SIX4: variants seen among roughly 807,000 people sequenced by gnomAD.
The protein encoded by SIX4 is SIX homeobox 4, also known as homeobox protein SIX4.
In SIX4, 23 loss-of-function variants were observed where a neutral mutation model predicts 51.5. That is an observed-to-expected ratio of 0.45 (90% CI 0.32 to 0.63). The LOEUF (loss-of-function observed/expected upper bound fraction) is 0.63. Among genes scored for constraint, SIX4 ranks in the 30% least tolerant of loss-of-function variants. SIX4 has a pLI of 0.04. For synonymous variants in SIX4, 413 were observed against 417.3 expected (o/e 0.99, Z 0.13); for missense variants, 867 against 984.0 (o/e 0.88, Z 1.59).
At chr14:60,716,326 C>T (rs1264787561) in intron 2 of SIX4, among the ~76,000 whole-genome samples, 2 of 151,906 alleles carry the variant, frequency 1.3e-5, no homozygotes, top group African/African-American at 4.8e-5. Context: ...AATCTTGGCT[C>T]ACTGCAAACT....
At chr14:60,723,167 G>A (rs750420596) in intron 1 of SIX4, 45 bp downstream of exon 1, 3 of 1,532,420 alleles carry the variant, frequency 2.0e-6, no homozygotes, top group South Asian at 1.3e-5. Flanking sequence ...GCCGGGAAGG[G>A]GGTGGGGGAG....
Position 60,720,029 on chromosome 14 carries a change from G to C in SIX4, c.1280C>G (p.Ser427Cys). ...GGACGTGGTGGTTGCTGAGTTAGCA[G>C]AACTCTGGAGGACTTTGAATTCCTT... ...DVKEFKVLQSSANSATTTSYS... is the reference protein window; with the variant it reads ...DVKEFKVLQSCANSATTTSYS... The change falls in exon 2 of 3, where the codon TCT becomes TGT. Residue 427 changes from serine to cysteine, a missense_variant. By Grantham distance (112) the Ser-to-Cys change is moderately radical. Coordinates refer to ENST00000216513, the MANE Select transcript of SIX4 (RefSeq NM_017420.5). This position sits in a 1 kb window ranked among gnomAD's most constrained non-coding sequence, Gnocchi z 5.5. 6.2e-7 allele frequency: 1 copy of C among 1,614,208 alleles called. No homozygotes were observed. Among genetic ancestry groups the C allele is most frequent in the Non-Finnish European group, 8.5e-7 (1 of 1,180,040 alleles).
intron 2 of SIX4, among the ~76,000 whole-genome samples, chr14:60,715,135 GA>G (rs758765269): frequency 0.031 from 4,479 of 145,074 alleles, 174 homozygotes; most frequent in African/African-American, 0.097. Flanking sequence ...AGCCAAGTGT[GA>G]AAAAAAAAAA....
chr14:60,723,065 G>GT, intron 1 of SIX4, 147 bp downstream of exon 1: 1 of 1,412,732 alleles, frequency 7.1e-7, no homozygotes. Flanking sequence ...GCCGGCCGGG[G>GT]AGCGAGGTAG....
rs919537908 is a variant in SIX4 at position 60,720,729 on chromosome 14, A to G, written c.864-284T>C. The stretch of plus-strand genomic sequence containing the variant: ...GATGTAAATTCAGCATTACAGGAGA[A>G]GAACATATTTGATTTTACAGTGTAG... On this transcript the variant is annotated intron_variant, in intron 1 of 2. Transcript: ENST00000216513. This position sits in a 1 kb window ranked among gnomAD's most constrained non-coding sequence, Gnocchi z 5.5. Among the ~76,000 whole-genome samples, 1 of 152,206 alleles carries G rather than the reference A, an allele frequency of 6.6e-6. No individual in the cohort carries two copies. The highest frequency in any genetic ancestry group is 2.4e-5 in the African/African-American group (1 of 41,428).
chr14:60,721,068 C>G (rs1896010701), intron 1 of SIX4: 5 of 985,806 alleles, frequency 5.1e-6, no homozygotes, highest in Non-Finnish European at 6.0e-6. Flanking sequence ...ACTTTCAACC[C>G]AAGAACAGTT....
Position 60,719,677 on chromosome 14 carries a change from C to T in SIX4, c.1549+83G>A. 7.2e-7 allele frequency: 1 copy of T among 1,383,984 alleles called. No individual in the cohort carries two copies. Among genetic ancestry groups the T allele is most frequent in the Middle Eastern group, 2.5e-4 (1 of 4,044 alleles). 85.7% of individuals were successfully genotyped at this position (1,383,984 alleles called of 1,614,324 possible). On this transcript the variant is annotated intron_variant, in intron 2 of 2. Coordinates refer to ENST00000216513, the MANE Select transcript of SIX4 (RefSeq NM_017420.5). This position sits in a 1 kb window ranked among gnomAD's most constrained non-coding sequence, Gnocchi z 4.9. ...AAGGTACCTGAACAGAAACATCAAT[C>T]TATAGCTATCACCAAATGCGTCACT...
At chr14:60,716,727 G>T (rs1477324754) in intron 2 of SIX4, among the ~76,000 whole-genome samples, 1 of 152,104 alleles carries the variant, frequency 6.6e-6, no homozygotes, top group East Asian at 1.9e-4. Flanking sequence ...AATGTTAAAG[G>T]TAATTAATTC....
chr14:60,720,918 A>T lies in SIX4; in HGVS notation c.864-473T>A. The T allele has an allele frequency of 1.6e-5, 15 of 965,266 alleles. No individual in the cohort carries two copies. Among genetic ancestry groups the T allele is most frequent in the Non-Finnish European group, 1.9e-5 (15 of 810,724 alleles). The allele number at this position is 965,266 out of a possible 1,614,324, so 59.8% of individuals were successfully genotyped here. A position where few individuals can be genotyped will look rare whatever the true frequency, so the allele number is the denominator to read the frequency against. On this transcript the variant is annotated intron_variant, in intron 1 of 2. Coordinates refer to ENST00000216513, the MANE Select transcript of SIX4 (RefSeq NM_017420.5). The surrounding 1 kb of genome is among the most constrained non-coding windows in gnomAD (Gnocchi z 5.5). ...TAAATGAAGCTGCCAAAGGAGCAGG[A>T]GGTAGGAAGTGCTCAGCTTTTCTTT...
Position 60,720,445 on chromosome 14 carries a change from A to T in SIX4, c.864T>A (p.Ser288Arg). 6.2e-7 allele frequency: 1 copy of T among 1,610,868 alleles called. No individual in the cohort carries two copies. Among genetic ancestry groups the T allele is most frequent in the East Asian group, 2.2e-5 (1 of 44,862 alleles). The stretch of plus-strand genomic sequence containing the variant: ...CAGTGCTGGGGTTGCCATCTGACTC[A>T]CTGTATGGAGGGGGAAATCAAAATG... Reference protein sequence around the residue: ...DRNPSETQSKSESDGNPSTED... With the variant: ...DRNPSETQSKRESDGNPSTED... The change falls in exon 2 of 3, where the codon AGT (serine) becomes AGA (arginine). Residue 288 changes from serine (S) to arginine (R), a missense_variant and splice_region_variant. Coordinates refer to ENST00000216513, the MANE Select transcript of SIX4 (RefSeq NM_017420.5). The surrounding 1 kb of genome is among the most constrained non-coding windows in gnomAD (Gnocchi z 5.5).
rs1022491950 is a variant in SIX4 at position 60,717,406 on chromosome 14, C to CA, written c.1549+2353dup. On this transcript the variant is annotated intron_variant, in intron 2 of 2. Transcript: ENST00000216513. This position sits in a 1 kb window ranked among gnomAD's most constrained non-coding sequence, Gnocchi z 4.6. ...ATTCTTGTAGGCAGCTGATTTGTGG[C>CA]AAAAAAACATCTCAAATAGATGTTT... Among the ~76,000 whole-genome samples, 9 of 151,936 alleles carry CA rather than the reference C, an allele frequency of 5.9e-5. No individual in the cohort carries two copies. Among genetic ancestry groups the CA allele is most frequent in the African/African-American group, 1.9e-4 (8 of 41,468 alleles).
At position 60,722,410 on chromosome 14, in the gene SIX4, AGGAG is replaced by A. The variant is rs1896038896; in HGVS notation, c.863+798_863+801del. ...GCCCCCCACCCATAACTACCGTACC[AGGAG>A]GGAGCCAAGCAGCGTTCGGGGGCCG... On this transcript the variant is annotated intron_variant, in intron 1 of 2. Coordinates refer to ENST00000216513, the MANE Select transcript of SIX4 (RefSeq NM_017420.5). The surrounding 1 kb of genome is among the most constrained non-coding windows in gnomAD (Gnocchi z 5.9). Among the ~76,000 whole-genome samples, 1 of 152,060 alleles carries A rather than the reference AGGAG, an allele frequency of 6.6e-6. No individual in the cohort carries two copies. The highest frequency in any genetic ancestry group is 6.5e-5 in the Admixed American group (1 of 15,276).
rs767827538 is a variant in SIX4, at chr14:60,713,549, C to T, written c.2204G>A (p.Ser735Asn). The change falls in exon 3 of 3, where the codon AGT becomes AAT. Residue 735 changes from serine (S) to asparagine (N), a missense_variant. By Grantham distance (46) the Ser-to-Asn change is conservative (BLOSUM62 1). Coordinates refer to ENST00000216513, the MANE Select transcript of SIX4 (RefSeq NM_017420.5). ...FLSNSESKAT[S>N]SLMMLDSKSK... ...TTTAGAGTCCAGCATCATTAAGCTA[C>T]TTGTTGCTTTGCTCTCAGAATTTGA... The T allele has an allele frequency of 3.7e-6, 6 of 1,614,216 alleles. No homozygotes were observed. Among genetic ancestry groups the T allele is most frequent in the Non-Finnish European group, 4.2e-6 (5 of 1,180,050 alleles).
rs183082148 is a variant in SIX4 at position 60,715,245 on chromosome 14, A to T, written c.1550-1042T>A. Among the ~76,000 whole-genome samples the T allele has an allele frequency of 1.7e-3, 257 of 152,326 alleles. 1 individual carries two copies. Among genetic ancestry groups the T allele is most frequent in the African/African-American group, 5.5e-3 (227 of 41,568 alleles). ...AGTTATTGCTAGCTCTGCCAGTTAG[A>T]ATTAGAAAACACAAATGCACCTTCA... On this transcript the variant is annotated intron_variant, in intron 2 of 2. Transcript: ENST00000216513.
rs975510825 is a variant in SIX4 at position 60,717,167 on chromosome 14, T to G, written c.1549+2593A>C. On this transcript the variant is annotated intron_variant, in intron 2 of 2. Coordinates refer to ENST00000216513, the MANE Select transcript of SIX4 (RefSeq NM_017420.5). The surrounding 1 kb of genome is among the most constrained non-coding windows in gnomAD (Gnocchi z 4.6). ...TCGGCTCACTGCAACCTCCACCTCC[T>G]GGGTTCAAGCGATTCTCCTGCCTCA... is the stretch of plus-strand genomic sequence containing the variant. 2.7e-5 allele frequency: 6 copies of G among 223,120 alleles called. No individual in the cohort carries two copies. In the East Asian group the frequency reaches 9.2e-4, roughly 34 times the overall value. The allele number at this position is 223,120 out of a possible 1,614,324, so 13.8% of individuals were successfully genotyped here.
At position 60,712,236 on chromosome 14, in the gene SIX4, C is replaced by T. The variant is rs888088185; in HGVS notation, c.*1171G>A. 4 of 152,108 alleles carry T rather than the reference C, an allele frequency of 2.6e-5. No individual in the cohort carries two copies. Among genetic ancestry groups the T allele is most frequent in the African/African-American group, 9.7e-5 (4 of 41,060 alleles). The allele number at this position is 152,108 out of a possible 1,614,324, so 9.4% of individuals were successfully genotyped here. ...TTTTCCTTGTAATGAAAAGTATCAA[C>T]AATAATTAGTTGTTTATCCATTTGT... On this transcript the variant is annotated 3_prime_UTR_variant, in exon 3 of 3. Transcript: ENST00000216513.
rs1895980307 is a variant in SIX4 at position 60,719,473 on chromosome 14, C to T, written c.1549+287G>A. Among the ~76,000 whole-genome samples the T allele has an allele frequency of 6.6e-6, 1 of 152,182 alleles. No individual in the cohort carries two copies. Among genetic ancestry groups the T allele is most frequent in the Admixed American group, 6.5e-5 (1 of 15,276 alleles). On this transcript the variant is annotated intron_variant, in intron 2 of 2. Transcript: ENST00000216513. This position sits in a 1 kb window ranked among gnomAD's most constrained non-coding sequence, Gnocchi z 4.9. ...ATTTTGTAAGCACTGATTGACTTAT[C>T]ATATTTCTGTAATTGTAGAACTGGC...
At position 60,714,029 on chromosome 14, in the gene SIX4, C is replaced by T; in HGVS notation, c.1724G>A (p.Ser575Asn). The change falls in exon 3 of 3, where the codon AGC becomes AAC. Residue 575 changes from serine (S) to asparagine (N), a missense_variant. Coordinates refer to ENST00000216513, the MANE Select transcript of SIX4 (RefSeq NM_017420.5). ...GSVKQEGLERSLVFSQLMPVN... is the reference protein window; with the variant it reads ...GSVKQEGLERNLVFSQLMPVN... ...AGGCATCAACTGAGAAAATACCAGG[C>T]TCCTTTCCAAGCCTTCCTGTTTCAC... 6.2e-7 allele frequency: 1 copy of T among 1,614,090 alleles called. No individual in the cohort carries two copies. The highest frequency in any genetic ancestry group is 1.1e-5 in the South Asian group (1 of 91,066).
Position 60,714,597 on chromosome 14 carries a change from T to C in SIX4, c.1550-394A>G, listed in dbSNP as rs146510730. 1.8e-3 allele frequency among the ~76,000 whole-genome samples: 267 copies of C among 152,226 alleles called. 1 individual carries two copies. Among genetic ancestry groups the C allele is most frequent in the African/African-American group, 6.1e-3 (254 of 41,552 alleles). On this transcript the variant is annotated intron_variant, in intron 2 of 2. Coordinates refer to ENST00000216513, the MANE Select transcript of SIX4 (RefSeq NM_017420.5). ...TAGAAAACACAGTGACTTCCAAACC[T>C]TTACTTTTTATGTCTCATGACCTCG...
Sources: allele counts gnomAD v4.1 joint callset (sites outside exome capture counted in the v4.1 genomes callset), GRCh38; gene constraint gnomAD v4.1.1; non-coding constraint Gnocchi (gnomAD v3.1); transcripts MANE v1.5; gene names NCBI Gene and HGNC (gene_info 2026-07-23, HGNC 2026-07-21).